The following ARAP2 variants were observed in gnomAD, a reference collection of about 807,000 sequenced individuals.
ARAP2 encodes arf-GAP with Rho-GAP domain, ANK repeat and PH domain-containing protein 2.
ARAP2 carries 148 observed loss-of-function variants against 194.5 expected under a neutral mutation model. The ratio of observed to expected loss-of-function variants is 0.76; its 90% confidence interval spans 0.67 to 0.87. ARAP2 has a LOEUF of 0.87. Ranked by LOEUF, ARAP2 falls within the 40% of genes least tolerant of loss-of-function variation. The pLI, the probability that ARAP2 is intolerant of heterozygous loss-of-function variation, is 0.00. For missense variants in ARAP2, 2,128 were observed against 1,989.7 expected, an observed-to-expected ratio of 1.07 and a Z score of -1.32; for synonymous variants, 695 against 683.5, an observed-to-expected ratio of 1.02 and a Z score of -0.26.
chr4:36,055,762 C>T (rs940967572), intron 2 of ARAP2, among the ~76,000 whole-genome samples: 1 of 152,086 alleles, frequency 6.6e-6, no homozygotes, highest in African/African-American at 2.4e-5. Context: ...CGGGGTTTCA[C>T]CATGTTGGCC....
At position 36,117,081 on chromosome 4, in the gene ARAP2, C is replaced by A. The variant is rs76239807; in HGVS notation, c.4018G>T (p.Asp1340Tyr). ...CTTACCCGAATTATAATACTACAGT[C>A]GGGTTCCTTCCTTTCTACATATACT... ...IEVYVERKEP[D>Y]CSIIIRISPV... Residue 1340 changes from aspartate to tyrosine, a missense_variant, in exon 25 of 33, where the codon GAC (aspartate) becomes TAC (tyrosine). Physicochemically the swap from Asp to Tyr is radical, Grantham distance 160. Transcript: ENST00000303965. 2 of 1,598,524 alleles carry A rather than the reference C, an allele frequency of 1.3e-6. No individual in the cohort carries two copies. The highest frequency in any genetic ancestry group is 2.2e-5 in the South Asian group (2 of 89,196).
At chr4:36,239,017 T>C (rs1752989151) in intron 1 of ARAP2, among the ~76,000 whole-genome samples, 3 of 152,224 alleles carry the variant, frequency 2.0e-5, no homozygotes, top group Non-Finnish European at 2.9e-5. Context: ...CTCACGCCTG[T>C]AATCCCCATA....
At chr4:36,129,602 A>G (rs958774242) in intron 20 of ARAP2, among the ~76,000 whole-genome samples, 1 of 151,628 alleles carries the variant, frequency 6.6e-6, no homozygotes, top group East Asian at 1.9e-4. Context: ...TCATAATTTC[A>G]TATCTCTTTT....
At chr4:36,016,433 A>C (rs1715813203) in intron 6 of ARAP2, among the ~76,000 whole-genome samples, 1 of 152,154 alleles carries the variant, frequency 6.6e-6, no homozygotes. Flanking sequence ...AAATGTTATT[A>C]TTCATAAAAT....
downstream of ARAP2, among the ~76,000 whole-genome samples, chr4:36,063,473 AAAAG>A (rs1393127420): frequency 1.3e-5 from 2 of 152,148 alleles, no homozygotes; most frequent in Non-Finnish European, 2.9e-5. Flanking sequence ...AAAAAAAAAA[AAAAG>A]AGATTTGCAG....
chr4:36,090,892 G>A (rs1428557063), intron 28 of ARAP2, among the ~76,000 whole-genome samples: 1 of 151,798 alleles, frequency 6.6e-6, no homozygotes, highest in Non-Finnish European at 1.5e-5. Flanking sequence ...TTGCACTCCT[G>A]AACTTAAAAA....
At chr4:36,103,094 T>G (rs1717448999) in intron 27 of ARAP2, among the ~76,000 whole-genome samples, 1 of 151,792 alleles carries the variant, frequency 6.6e-6, no homozygotes, top group Non-Finnish European at 1.5e-5. Context: ...TTTTTTTAAG[T>G]TCATAGATAG....
chr4:36,136,256 T>G (rs931555393), intron 19 of ARAP2, among the ~76,000 whole-genome samples: 10 of 151,798 alleles, frequency 6.6e-5, no homozygotes, highest in African/African-American at 2.2e-4. Flanking sequence ...AAACATTTAC[T>G]TATATCCTGA....
At chr4:36,147,147 TAATA>T (rs760859193) in intron 19 of ARAP2, 145 bp downstream of exon 19, 8 of 573,316 alleles carry the variant, frequency 1.4e-5, no homozygotes, top group Non-Finnish European at 2.1e-5. Context: ...CAAAGAGAGC[TAATA>T]TATACTATAT....
intron 19 of ARAP2, among the ~76,000 whole-genome samples, chr4:36,140,257 T>C (rs1727981923): frequency 6.6e-6 from 1 of 151,552 alleles, no homozygotes; most frequent in African/African-American, 2.4e-5. Flanking sequence ...TATCTCCTGG[T>C]ACATAGAGGT....
At chr4:36,086,475 C>A (rs1711875083) in intron 28 of ARAP2, among the ~76,000 whole-genome samples, 1 of 152,066 alleles carries the variant, frequency 6.6e-6, no homozygotes, top group Admixed American at 6.6e-5. Flanking sequence ...TTTTCCATTT[C>A]AGTTTTGAAA....
At position 36,163,252 on chromosome 4, in the gene ARAP2, A is replaced by T. The variant is rs548402272; in HGVS notation, c.2173+1662T>A. 1.4e-4 allele frequency among the ~76,000 whole-genome samples: 21 copies of T among 152,288 alleles called. 1 individual carries two copies. The South Asian group carries it at 4.4e-3, about 32-fold the overall frequency. ...AGCATGGAAATACATGGGAAAAAAA[A>T]TACTGGAAAAAAAAAGACTGGTAAT... is the stretch of plus-strand genomic sequence containing the variant. On this transcript the variant is annotated intron_variant, in intron 11 of 32. Coordinates refer to ENST00000303965, the MANE Select transcript of ARAP2 (RefSeq NM_015230.4).
At chr4:36,168,776 C>T (rs1189546376) in intron 9 of ARAP2, among the ~76,000 whole-genome samples, 1 of 152,056 alleles carries the variant, frequency 6.6e-6, no homozygotes, top group African/African-American at 2.4e-5. Context: ...AGAAAAGATG[C>T]AGAGAAATGC....
chr4:36,153,747 C>G (rs1731569796), intron 15 of ARAP2, among the ~76,000 whole-genome samples: 1 of 152,126 alleles, frequency 6.6e-6, no homozygotes. Flanking sequence ...GACAACATAC[C>G]TAAACTCATA....
Position 36,229,526 on chromosome 4 carries a change from C to A in ARAP2, c.-40G>T. On this transcript the variant is annotated 5_prime_UTR_variant, in exon 2 of 33. Transcript: ENST00000303965. ...TACTAAGCTGAGTTACAAAAAGTGG[C>A]ACGATGAGACACACACACAAGAAGA... The A allele has an allele frequency of 6.8e-7, 1 of 1,459,956 alleles. No individual in the cohort carries two copies. 90.4% of individuals were successfully genotyped at this position (1,459,956 alleles called of 1,614,324 possible).
At chr4:36,105,212 T>C (rs956716778) in intron 27 of ARAP2, among the ~76,000 whole-genome samples, 8 of 151,874 alleles carry the variant, frequency 5.3e-5, no homozygotes, top group African/African-American at 1.9e-4. Flanking sequence ...ACCAGCTACA[T>C]AAGAGGCTGA....
At chr4:36,036,096 T>C (rs1719875232) in intron 5 of ARAP2, among the ~76,000 whole-genome samples, 1 of 152,176 alleles carries the variant, frequency 6.6e-6, no homozygotes, top group African/African-American at 2.4e-5. Flanking sequence ...TCCTTAAAAT[T>C]ACACTGAATA....
intron 16 of ARAP2, among the ~76,000 whole-genome samples, chr4:36,150,567 A>T (rs1203985383): frequency 6.6e-6 from 1 of 151,924 alleles, no homozygotes; most frequent in East Asian, 1.9e-4. Context: ...ACTTGAACCC[A>T]GGAGGCGGAG....
intron 9 of ARAP2, among the ~76,000 whole-genome samples, chr4:36,169,745 G>A (rs1237615086): frequency 2.0e-5 from 3 of 152,140 alleles, no homozygotes; most frequent in African/African-American, 7.2e-5. Flanking sequence ...TGTTGGCCAA[G>A]ATGGTCTCCA....
Sources: gnomAD v4.1 joint callset for allele counts (sites outside exome capture counted in the v4.1 genomes callset) on GRCh38, gnomAD v4.1.1 for gene constraint, MANE v1.5 for transcripts, NCBI Gene and HGNC (gene_info 2026-07-23, HGNC 2026-07-21) for gene names.